The following SAE1 variants were observed in gnomAD, a reference collection of about 807,000 sequenced individuals.
SAE1 encodes the protein SUMO1 activating enzyme subunit 1, also known as SUMO-activating enzyme subunit 1.
In SAE1, 11 loss-of-function variants were observed where a neutral mutation model predicts 40.6. That is an observed-to-expected ratio of 0.27 (90% CI 0.17 to 0.45). The LOEUF (loss-of-function observed/expected upper bound fraction) is 0.45. Among genes scored for constraint, SAE1 ranks in the 20% least tolerant of loss-of-function variants. The pLI is 1.00. For missense variants in SAE1, 373 were observed against 427.3 expected (o/e 0.87, Z 1.12); for synonymous variants, 155 against 154.3 (o/e 1.00, Z -0.03).
chr19:47,146,694 G>A (rs1015141249), intron 2 of SAE1, among the ~76,000 whole-genome samples: 5 of 152,104 alleles, frequency 3.3e-5, no homozygotes, highest in African/African-American at 4.8e-5. Flanking sequence ...CCCATCCAAG[G>A]CCCCAGTAGT....
intron 7 of SAE1, among the ~76,000 whole-genome samples, chr19:47,200,566 G>A (rs1000362955): frequency 1.3e-5 from 2 of 151,996 alleles, no homozygotes; most frequent in Non-Finnish European, 2.9e-5. Context: ...AGAGACGGGG[G>A]TCTCACTCTG....
intron 6 of SAE1, among the ~76,000 whole-genome samples, chr19:47,173,931 C>T (rs1471403455): frequency 6.6e-6 from 1 of 151,898 alleles, no homozygotes; most frequent in Non-Finnish European, 1.5e-5. Context: ...ACTACAGGCG[C>T]CTGCCACTAT....
chr19:47,184,873 G>GAGTGC (rs1818125246), intron 6 of SAE1, among the ~76,000 whole-genome samples: 1 of 151,568 alleles, frequency 6.6e-6, no homozygotes, highest in Admixed American at 6.6e-5. Context: ...CCCCAGGCTG[G>GAGTGC]AGTGCAGTGG....
At position 47,169,803 on chromosome 19, in the gene SAE1, GC is replaced by G. The variant is rs765981162; in HGVS notation, c.628-13del. ...GCATATGTTATTCCTAAGCAGTTCT[GC>G]CTTTTTTCCACAGAAGGTGGTCTTC... is the stretch of plus-strand genomic sequence containing the variant. On this transcript the variant is annotated splice_polypyrimidine_tract_variant and intron_variant, in intron 5 of 8. Transcript: ENST00000270225. The G allele has an allele frequency of 5.1e-6, 8 of 1,575,600 alleles. No individual in the cohort carries two copies. In the Admixed American group the frequency reaches 1.3e-4, roughly 26 times the overall value.
chr19:47,179,943 G>T (rs902588496), intron 6 of SAE1, among the ~76,000 whole-genome samples: 1 of 152,138 alleles, frequency 6.6e-6, no homozygotes, highest in South Asian at 2.1e-4. Flanking sequence ...GGTAAGTATA[G>T]TGTTAATAGT....
intron 6 of SAE1, among the ~76,000 whole-genome samples, chr19:47,195,468 T>C (rs1314588847): frequency 6.6e-6 from 1 of 152,184 alleles, no homozygotes; most frequent in African/African-American, 2.4e-5. Context: ...TTTCCTCTGG[T>C]TCACAACCAA....
chr19:47,176,065 T>A (rs1416889429), intron 6 of SAE1, among the ~76,000 whole-genome samples: 8 of 152,270 alleles, frequency 5.3e-5, no homozygotes, highest in Non-Finnish European at 1.2e-4. Flanking sequence ...TTTAGTATCT[T>A]GTTGAACAAT....
chr19:47,157,224 A>G (rs544020394), intron 5 of SAE1, among the ~76,000 whole-genome samples: 5 of 152,308 alleles, frequency 3.3e-5, no homozygotes, highest in Admixed American at 2.0e-4. Flanking sequence ...TTTAGTGTCT[A>G]TTCACAGAAC....
intron 1 of SAE1, among the ~76,000 whole-genome samples, chr19:47,141,821 TAC>T (rs2058223985): frequency 6.6e-6 from 1 of 152,190 alleles, no homozygotes; most frequent in African/African-American, 2.4e-5. Context: ...GTATGAATAA[TAC>T]ATTTGCTGCA....
chr19:47,198,630 A>G (rs1049415551), intron 7 of SAE1, among the ~76,000 whole-genome samples: 2 of 152,222 alleles, frequency 1.3e-5, no homozygotes, highest in Non-Finnish European at 2.9e-5. Context: ...TTGCTCTAGT[A>G]GCAGCATGCT....
intron 6 of SAE1, chr19:47,180,328 C>G (rs2123275619): frequency 2.2e-6 from 1 of 453,096 alleles, no homozygotes; most frequent in African/African-American, 2.0e-5. Context: ...TCCTGCTATG[C>G]CAGAAAGTAA....
intron 2 of SAE1, among the ~76,000 whole-genome samples, chr19:47,147,434 T>C (rs1380340297): frequency 6.6e-6 from 1 of 151,336 alleles, no homozygotes. Context: ...TCTTGAACTT[T>C]CTGGGCTCAA....
chr19:47,193,650 ACCC>A (rs1799549830), intron 6 of SAE1, among the ~76,000 whole-genome samples: 2 of 150,556 alleles, frequency 1.3e-5, no homozygotes, highest in Admixed American at 1.3e-4. Context: ...TTTTAGTGAA[ACCC>A]CATCTCTACT....
chr19:47,159,534 G>A (rs117606121), intron 5 of SAE1, among the ~76,000 whole-genome samples: 2,105 of 151,824 alleles, frequency 0.014, 106 homozygotes, highest in Admixed American at 0.096. Flanking sequence ...CAGCAACCCT[G>A]GAGATTATTT....
At chr19:47,153,130 C>T (rs1281773454) in intron 4 of SAE1, 90 bp downstream of exon 4, 2 of 1,173,240 alleles carry the variant, frequency 1.7e-6, no homozygotes, top group South Asian at 3.2e-5. Context: ...TGTGTAGAGA[C>T]AGGATCTATG....
intron 6 of SAE1, among the ~76,000 whole-genome samples, chr19:47,170,340 C>T (rs1416710873): frequency 6.6e-6 from 1 of 151,334 alleles, no homozygotes; most frequent in East Asian, 1.9e-4. Flanking sequence ...TTAGTGTCCC[C>T]AGAAGCTGGG....
chr19:47,158,339 A>G (rs943098100), intron 5 of SAE1, among the ~76,000 whole-genome samples: 5 of 152,186 alleles, frequency 3.3e-5, no homozygotes, highest in African/African-American at 1.2e-4. Context: ...GGGCTTAGGA[A>G]AATGCCTAGC....
intron 5 of SAE1, among the ~76,000 whole-genome samples, chr19:47,163,499 G>A (rs964113316): frequency 2.0e-5 from 3 of 152,040 alleles, no homozygotes; most frequent in Admixed American, 6.6e-5. Context: ...AGGCCAAGGC[G>A]GGTGGATCAC....
At chr19:47,163,139 G>A (rs1188311849) in intron 5 of SAE1, among the ~76,000 whole-genome samples, 1 of 151,508 alleles carries the variant, frequency 6.6e-6, no homozygotes, top group Non-Finnish European at 1.5e-5. Context: ...CAAAATTGGG[G>A]CACTGTTTAA....
Sources: allele counts gnomAD v4.1 joint callset (sites outside exome capture counted in the v4.1 genomes callset), GRCh38; gene constraint gnomAD v4.1.1; transcripts MANE v1.5; gene names NCBI Gene and HGNC (gene_info 2026-07-23, HGNC 2026-07-21).